The following LAMA3 variants were observed in gnomAD, a reference collection of about 807,000 sequenced individuals.
The protein encoded by LAMA3 is laminin subunit alpha-3.
A neutral mutation model predicts 402.0 loss-of-function variants in LAMA3; 281 were observed. The ratio of observed to expected loss-of-function variants is 0.70; its 90% CI spans 0.63 to 0.77. LAMA3 has a LOEUF of 0.77. Among genes scored for constraint, LAMA3 ranks in the 30% least tolerant of loss-of-function variants. The probability of loss-of-function intolerance (pLI) is 0.00; values close to 1 mark genes in which losing one functional copy is unlikely to be tolerated. For synonymous variants in LAMA3, 1,431 were observed against 1,558.4 expected, an observed-to-expected ratio of 0.92 and a Z score of 1.93; for missense variants, 3,840 against 4,215.5, an observed-to-expected ratio of 0.91 and a Z score of 2.47.
intron 6 of LAMA3, among the ~76,000 whole-genome samples, chr18:23,758,084 A>G (rs1197593006): frequency 6.6e-6 from 1 of 152,068 alleles, no homozygotes; most frequent in Non-Finnish European, 1.5e-5. Flanking sequence ...ACAATGGGGT[A>G]GAGAAGACAG....
intron 20 of LAMA3, among the ~76,000 whole-genome samples, chr18:23,823,871 G>C (rs2063332638): frequency 6.6e-6 from 1 of 152,084 alleles, no homozygotes; most frequent in Non-Finnish European, 1.5e-5. Flanking sequence ...TTTTTCTTAT[G>C]CATGTTCATT....
intron 68 of LAMA3, among the ~76,000 whole-genome samples, chr18:23,942,226 G>T (rs1395328165): frequency 6.6e-6 from 1 of 152,178 alleles, no homozygotes; most frequent in Admixed American, 6.5e-5. Context: ...TGGGGATGCC[G>T]CTGTGAGTGG....
At chr18:23,933,671 C>A in intron 66 of LAMA3, 111 bp from the exon 67 acceptor site, 1 of 1,157,978 alleles carries the variant, frequency 8.6e-7, no homozygotes, top group Non-Finnish European at 1.3e-6. Context: ...CATTAACCAA[C>A]CCCTCTTCAT....
At chr18:23,873,269 A>G in intron 38 of LAMA3, 1 of 1,488,170 alleles carries the variant, frequency 6.7e-7, no homozygotes, top group East Asian at 2.3e-5. Context: ...CAGCTTTGTG[A>G]CATTTTAAGT....
At position 23,839,396 on chromosome 18, in the gene LAMA3, G is replaced by T. The variant is rs190208467; in HGVS notation, c.3192-389G>T. On this transcript the variant is annotated intron_variant, in intron 26 of 74. Transcript: ENST00000313654. This position sits in a 1 kb window ranked among gnomAD's most constrained non-coding sequence, Gnocchi z 4.5. ...CAACACAATGTGATTCTGGTTGTGCGTAAAAGAGACGATGTATATTTTTTC... is the reference window on the plus strand; with the variant it reads ...CAACACAATGTGATTCTGGTTGTGCTTAAAAGAGACGATGTATATTTTTTC... Among the ~76,000 whole-genome samples, 431 of 152,286 alleles carry T rather than the reference G, an allele frequency of 2.8e-3. No individual in the cohort carries two copies. Among genetic ancestry groups the T allele is most frequent in the Non-Finnish European group, 3.7e-3 (250 of 68,026 alleles).
chr18:23,768,751 T>C (rs1317496048), intron 8 of LAMA3, among the ~76,000 whole-genome samples: 1 of 152,198 alleles, frequency 6.6e-6, no homozygotes, highest in African/African-American at 2.4e-5. Context: ...TGCCTATCAG[T>C]GGTGGATTGG....
At chr18:23,692,493 A>T in intron 1 of LAMA3, among the ~76,000 whole-genome samples, 1 of 152,160 alleles carries the variant, frequency 6.6e-6, no homozygotes, top group Non-Finnish European at 1.5e-5. Context: ...GCTGGTCTCG[A>T]ACTACTGACT....
intron 2 of LAMA3, among the ~76,000 whole-genome samples, chr18:23,733,628 G>T (rs763270649): frequency 6.6e-6 from 1 of 152,174 alleles, no homozygotes; most frequent in Non-Finnish European, 1.5e-5. Flanking sequence ...GGAAGGTTTC[G>T]CAAAGAAGGA....
At chr18:23,883,655 C>T (rs2064974906) in intron 40 of LAMA3, among the ~76,000 whole-genome samples, 1 of 152,200 alleles carries the variant, frequency 6.6e-6, no homozygotes, top group South Asian at 2.1e-4. Context: ...TGAAGCCCGC[C>T]CCATCCTGCA....
intron 25 of LAMA3, chr18:23,837,417 C>T (rs1010997249): frequency 3.9e-6 from 1 of 254,254 alleles, no homozygotes; most frequent in African/African-American, 2.3e-5. Context: ...GTTTAGAAAT[C>T]CCATTGCTTA....
intron 32 of LAMA3, among the ~76,000 whole-genome samples, chr18:23,848,339 A>C (rs546684485): frequency 6.6e-6 from 1 of 152,160 alleles, no homozygotes; most frequent in South Asian, 2.1e-4. Flanking sequence ...TGCATTGCTG[A>C]GAGGTTTGAT....
chr18:23,772,394 T>C (rs2062220290), intron 8 of LAMA3, among the ~76,000 whole-genome samples: 1 of 152,226 alleles, frequency 6.6e-6, no homozygotes, highest in Non-Finnish European at 1.5e-5. Context: ...TTGGTTTCAC[T>C]ATTTCCAGTC....
intron 62 of LAMA3, among the ~76,000 whole-genome samples, chr18:23,927,802 G>T (rs772967653): frequency 6.6e-6 from 1 of 151,734 alleles, no homozygotes; most frequent in African/African-American, 2.4e-5. Context: ...CTGCAATGCC[G>T]TGACTCCAGC....
At chr18:23,824,716 C>A in intron 21 of LAMA3, 151 bp downstream of exon 21, 1 of 830,354 alleles carries the variant, frequency 1.2e-6, no homozygotes, top group Non-Finnish European at 2.0e-6. Context: ...CCTAAGGAAA[C>A]TGTGGTGACA....
At chr18:23,926,139 C>A (rs1203172868) in intron 62 of LAMA3, among the ~76,000 whole-genome samples, 2 of 152,078 alleles carry the variant, frequency 1.3e-5, no homozygotes, top group African/African-American at 4.8e-5. Flanking sequence ...GAAAACCTGC[C>A]CTTCCTGCAC....
chr18:23,822,498 T>C (rs2063306073), intron 20 of LAMA3, 123 bp downstream of exon 20: 1 of 1,042,098 alleles, frequency 9.6e-7, no homozygotes, highest in African/African-American at 1.6e-5. Flanking sequence ...CATGGTCTGG[T>C]TAGACGGTTC....
chr18:23,875,700 C>G (rs1389652477), intron 38 of LAMA3, among the ~76,000 whole-genome samples: 2 of 152,190 alleles, frequency 1.3e-5, no homozygotes, highest in Admixed American at 1.3e-4. Flanking sequence ...AGCCCAAACC[C>G]ACACTTGGAG....
intron 62 of LAMA3, among the ~76,000 whole-genome samples, chr18:23,924,057 G>A (rs1217239593): frequency 6.6e-6 from 1 of 152,156 alleles, no homozygotes; most frequent in Non-Finnish European, 1.5e-5. Context: ...GTCTTGCTGT[G>A]TTGCCCAGGC....
At chr18:23,908,045 T>G (rs2081307967) in intron 54 of LAMA3, 110 bp downstream of exon 54, 1 of 1,023,080 alleles carries the variant, frequency 9.8e-7, no homozygotes, top group Admixed American at 1.7e-5. Flanking sequence ...ACTAAAACAT[T>G]AGAAAACAGC....
Sources: gnomAD v4.1 joint callset for allele counts (sites outside exome capture counted in the v4.1 genomes callset) on GRCh38, gnomAD v4.1.1 for gene constraint, Gnocchi (gnomAD v3.1) non-coding constraint, MANE v1.5 for transcripts, NCBI Gene and HGNC (gene_info 2026-07-23, HGNC 2026-07-21) for gene names.